The following SIK3 variants were observed in gnomAD, a reference collection of about 807,000 sequenced individuals.
SIK3 encodes the protein SIK family kinase 3, also known as serine/threonine-protein kinase SIK3.
SIK3 carries 28 observed loss-of-function variants against 144.2 expected under a neutral mutation model. The observed-to-expected ratio is 0.19, with a 90% CI of 0.14 to 0.27. The LOEUF is 0.27. SIK3 is among the 10% of genes least tolerant of loss of function. The pLI, the probability that SIK3 is intolerant of heterozygous loss-of-function variation, is 1.00. For missense variants in SIK3, 1,319 were observed against 1,776.0 expected, an observed-to-expected ratio of 0.74 and a Z score of 4.62; for synonymous variants, 686 against 676.3, an observed-to-expected ratio of 1.01 and a Z score of -0.22.
At chr11:116,881,884 A>C (rs1032311107) in intron 6 of SIK3, among the ~76,000 whole-genome samples, 4 of 152,196 alleles carry the variant, frequency 2.6e-5, no homozygotes, top group African/African-American at 9.6e-5. Context: ...CTATTATCTC[A>C]ATTTTATAGA....
chr11:116,945,762 A>C (rs1948560579), intron 3 of SIK3, among the ~76,000 whole-genome samples: 1 of 152,116 alleles, frequency 6.6e-6, no homozygotes, highest in Non-Finnish European at 1.5e-5. Context: ...TAGGGGAAAA[A>C]AATCACTCAA....
chr11:117,023,609 C>CAAACA (rs1377928104), intron 1 of SIK3, among the ~76,000 whole-genome samples: 18 of 51,994 alleles, frequency 3.5e-4, no homozygotes, highest in African/African-American at 1.2e-3. Context: ...AACAAACAAA[C>CAAACA]AAAAAAAAAA....
At chr11:116,874,136 G>T in intron 11 of SIK3, 80 bp from the exon 12 acceptor site, 2 of 1,342,920 alleles carry the variant, frequency 1.5e-6, no homozygotes, top group Non-Finnish European at 2.1e-6. Flanking sequence ...TGATGGCATT[G>T]CTATGTTCAG....
At chr11:117,036,090 A>G (rs1052423414) in intron 1 of SIK3, 3 of 579,104 alleles carry the variant, frequency 5.2e-6, no homozygotes, top group Non-Finnish European at 8.3e-6. Flanking sequence ...GGAAAGGTTA[A>G]TTTTTTTTTT....
intron 3 of SIK3, among the ~76,000 whole-genome samples, chr11:116,932,539 T>A (rs979262322): frequency 6.6e-6 from 1 of 152,202 alleles, no homozygotes; most frequent in East Asian, 1.9e-4. Context: ...TACTCTCACA[T>A]ATATGCCTGC....
At chr11:116,910,476 A>G (rs1946281968) in intron 4 of SIK3, among the ~76,000 whole-genome samples, 2 of 152,090 alleles carry the variant, frequency 1.3e-5, no homozygotes, top group African/African-American at 4.8e-5. Context: ...CCCAAAGGTA[A>G]GCAGCCAGTA....
At position 116,911,741 on chromosome 11, in the gene SIK3, G is replaced by C. The variant is rs375021852; in HGVS notation, c.617-14424C>G. Among the ~76,000 whole-genome samples, 140 of 152,192 alleles carry C rather than the reference G, an allele frequency of 9.2e-4. No homozygotes were observed. The Middle Eastern group carries it at 0.014, about 15-fold the overall frequency. On this transcript the variant is annotated intron_variant, in intron 4 of 24. Transcript: ENST00000445177. The stretch of plus-strand genomic sequence containing the variant: ...TCTATAACTAAAATTTTTATTTTAA[G>C]TATAAAGACTTTAAGACATCATCTT...
chr11:117,055,650 A>G (rs1953482337), intron 1 of SIK3, among the ~76,000 whole-genome samples: 1 of 152,270 alleles, frequency 6.6e-6, no homozygotes, highest in African/African-American at 2.4e-5. Flanking sequence ...TTGTAAAGAT[A>G]AGTAAAAGCA....
At chr11:117,070,443 C>CTTTTTTTTTTTT (rs34756068) in intron 1 of SIK3, among the ~76,000 whole-genome samples, 1 of 146,684 alleles carries the variant, frequency 6.8e-6, no homozygotes, top group Non-Finnish European at 1.5e-5. Flanking sequence ...TGAACAATAC[C>CTTTTTTTTTTTT]TTTTTTTTTT....
intron 1 of SIK3, among the ~76,000 whole-genome samples, chr11:117,071,599 G>A (rs965581968): frequency 2.0e-5 from 3 of 152,002 alleles, no homozygotes; most frequent in Non-Finnish European, 4.4e-5. Context: ...GAAGGGAGGG[G>A]AAAAGAGAAA....
At chr11:117,041,121 A>C (rs955530079) in intron 1 of SIK3, among the ~76,000 whole-genome samples, 1 of 152,128 alleles carries the variant, frequency 6.6e-6, no homozygotes, top group African/African-American at 2.4e-5. Context: ...ACACATATAA[A>C]AATGTAAAAA....
At chr11:117,041,321 T>C (rs766137390) in intron 1 of SIK3, among the ~76,000 whole-genome samples, 2 of 152,156 alleles carry the variant, frequency 1.3e-5, no homozygotes, top group African/African-American at 4.8e-5. Flanking sequence ...TCAAACTGTA[T>C]GGTAGTCACA....
At chr11:116,875,739 G>A in intron 9 of SIK3, 127 bp downstream of exon 9, 1 of 1,190,258 alleles carries the variant, frequency 8.4e-7, no homozygotes, top group South Asian at 1.5e-5. Flanking sequence ...AGGAAGAGAT[G>A]ACAAATGGGA....
At chr11:116,898,424 G>A (rs1471458210) in intron 4 of SIK3, among the ~76,000 whole-genome samples, 25 of 151,078 alleles carry the variant, frequency 1.7e-4, no homozygotes, top group South Asian at 1.3e-3. Flanking sequence ...GAATAGTGCC[G>A]CAATAAACAT....
At chr11:116,942,661 G>A (rs958875775) in intron 3 of SIK3, among the ~76,000 whole-genome samples, 15 of 152,158 alleles carry the variant, frequency 9.9e-5, no homozygotes, top group Admixed American at 9.2e-4. Context: ...ATGTGGATAT[G>A]TAGGAAAAGA....
intron 6 of SIK3, among the ~76,000 whole-genome samples, chr11:116,884,459 G>A (rs1420908606): frequency 1.3e-5 from 2 of 150,096 alleles, no homozygotes; most frequent in East Asian, 3.9e-4. Flanking sequence ...TGATTATCCT[G>A]CCTCATAAAC....
At position 116,903,212 on chromosome 11, in the gene SIK3, T is replaced by G. The variant is rs552697622; in HGVS notation, c.617-5895A>C. 2.0e-4 allele frequency among the ~76,000 whole-genome samples: 30 copies of G among 152,350 alleles called. 1 individual carries two copies. In the South Asian group the frequency reaches 5.2e-3, roughly 26 times the overall value. The stretch of plus-strand genomic sequence containing the variant: ...GGACTGAGTAACTGTGATGGGAGAA[T>G]ACCTCCTCTTCATTCTCTTAGCTGC... On this transcript the variant is annotated intron_variant, in intron 4 of 24. Coordinates refer to ENST00000445177, the MANE Select transcript of SIK3 (RefSeq NM_001366686.3).
intron 1 of SIK3, among the ~76,000 whole-genome samples, chr11:116,985,173 T>C (rs143424885): frequency 2.6e-5 from 4 of 152,348 alleles, no homozygotes; most frequent in Non-Finnish European, 5.9e-5. Flanking sequence ...CAATAGGGCA[T>C]GGAGAATTCA....
intron 1 of SIK3, chr11:117,036,090 ATTT>A: frequency 5.2e-6 from 3 of 578,624 alleles, no homozygotes; most frequent in South Asian, 5.5e-5. Context: ...GGAAAGGTTA[ATTT>A]TTTTTTTTTA....
Sources: gnomAD v4.1 joint callset for allele counts (sites outside exome capture counted in the v4.1 genomes callset) on GRCh38, gnomAD v4.1.1 for gene constraint, MANE v1.5 for transcripts, NCBI Gene and HGNC (gene_info 2026-07-23, HGNC 2026-07-21) for gene names.